DCT: variants seen among roughly 807,000 people sequenced by gnomAD.
DCT encodes dopachrome tautomerase, also known as L-dopachrome tautomerase.
A neutral mutation model predicts 53.0 loss-of-function variants in DCT; 47 were observed. The ratio of observed to expected loss-of-function variants is 0.89; its 90% CI spans 0.70 to 1.13. The LOEUF (loss-of-function observed/expected upper bound fraction) is 1.13. Among genes scored for constraint, DCT ranks in the 50% most tolerant of loss-of-function variants. DCT has a pLI of 0.00. For missense variants in DCT, 669 were observed against 637.4 expected, an observed-to-expected ratio of 1.05 and a Z score of -0.53; for synonymous variants, 244 against 237.0, an observed-to-expected ratio of 1.03 and a Z score of -0.27.
the DCT span, among the ~76,000 whole-genome samples, chr13:94,525,577 G>A: frequency 7.9e-5 from 12 of 152,292 alleles, no homozygotes; most frequent in South Asian, 1.7e-3. Context: ...TAATCACAGC[G>A]AGAGAGGGTG....
At chr13:94,528,163 T>C in the DCT span, among the ~76,000 whole-genome samples, 10 of 152,296 alleles carry the variant, frequency 6.6e-5, no homozygotes, top group East Asian at 1.7e-3. Context: ...CTGCATTTGA[T>C]TGGTGTACCA....
the DCT span, among the ~76,000 whole-genome samples, chr13:94,506,140 TTTG>T: frequency 2.6e-5 from 4 of 152,196 alleles, no homozygotes; most frequent in African/African-American, 9.7e-5. Flanking sequence ...TCACGTATAG[TTTG>T]TTATCTGCCA....
the DCT span, among the ~76,000 whole-genome samples, chr13:94,534,546 T>C: frequency 6.6e-6 from 1 of 152,240 alleles, no homozygotes; most frequent in South Asian, 2.1e-4. Context: ...TGGCCAAGCA[T>C]ACAAGTCAAC....
At chr13:94,478,754 T>C (rs896623196) in intron 1 of DCT, among the ~76,000 whole-genome samples, 1 of 152,280 alleles carries the variant, frequency 6.6e-6, no homozygotes, top group Non-Finnish European at 1.5e-5. Flanking sequence ...GCCATATTTA[T>C]TTAGTCTTCA....
the DCT span, among the ~76,000 whole-genome samples, chr13:94,506,643 A>C: frequency 2.6e-5 from 4 of 152,224 alleles, no homozygotes; most frequent in Non-Finnish European, 5.9e-5. Context: ...ATTCCACAGT[A>C]ATCATTATGG....
At chr13:94,527,725 C>T in the DCT span, among the ~76,000 whole-genome samples, 1 of 152,198 alleles carries the variant, frequency 6.6e-6, no homozygotes, top group South Asian at 2.1e-4. Context: ...CAGAACACCT[C>T]TTCTCCTCCA....
intron 5 of DCT, 132 bp from the exon 6 acceptor site, chr13:94,460,358 T>C (rs754172684): frequency 1.3e-6 from 1 of 773,730 alleles, no homozygotes; most frequent in Middle Eastern, 3.0e-4. Flanking sequence ...TCATAGCAAA[T>C]TGACCAAGAA....
chr13:94,532,270 G>A, the DCT span, among the ~76,000 whole-genome samples: 135 of 152,230 alleles, frequency 8.9e-4, no homozygotes, highest in Non-Finnish European at 1.1e-3. Context: ...ATTTGACCCC[G>A]CCATCCCATT....
intron 6 of DCT, among the ~76,000 whole-genome samples, chr13:94,456,423 A>G (rs892147694): frequency 2.0e-5 from 3 of 152,128 alleles, no homozygotes; most frequent in Non-Finnish European, 4.4e-5. Context: ...TTGAGTAACA[A>G]TAATAAATCA....
chr13:94,456,896 G>A (rs981025218), intron 6 of DCT, among the ~76,000 whole-genome samples: 9 of 152,344 alleles, frequency 5.9e-5, no homozygotes, highest in South Asian at 4.1e-4. Flanking sequence ...TTGAGAGGCC[G>A]AGGCCCGAGG....
At chr13:94,472,092 G>GT (rs1884680339) in intron 1 of DCT, among the ~76,000 whole-genome samples, 1 of 152,078 alleles carries the variant, frequency 6.6e-6, no homozygotes, top group South Asian at 2.1e-4. Context: ...CATAACACTT[G>GT]TTTTTGAATT....
chr13:94,523,524 GTTTC>G, the DCT span, among the ~76,000 whole-genome samples: 1 of 152,236 alleles, frequency 6.6e-6, no homozygotes, highest in Middle Eastern at 3.4e-3. Flanking sequence ...CCTATTAAAT[GTTTC>G]TTTCTAAGAA....
At chr13:94,517,746 A>G in the DCT span, among the ~76,000 whole-genome samples, 1 of 152,228 alleles carries the variant, frequency 6.6e-6, no homozygotes, top group Non-Finnish European at 1.5e-5. Flanking sequence ...ACAGGAAGTC[A>G]ATGTGAAGGC....
chr13:94,450,102 A>C (rs953593208), intron 6 of DCT, among the ~76,000 whole-genome samples: 8 of 152,198 alleles, frequency 5.3e-5, no homozygotes, highest in African/African-American at 1.9e-4. Flanking sequence ...AAAGAGACCC[A>C]GAGAGCTCCT....
At chr13:94,498,017 C>T in the DCT span, among the ~76,000 whole-genome samples, 10 of 152,254 alleles carry the variant, frequency 6.6e-5, no homozygotes, top group Middle Eastern at 3.4e-3. Flanking sequence ...CTTTTGGAGG[C>T]CTAAGTAAGA....
the DCT span, among the ~76,000 whole-genome samples, chr13:94,514,154 C>A: frequency 6.6e-6 from 1 of 152,142 alleles, no homozygotes; most frequent in African/African-American, 2.4e-5. Flanking sequence ...ACACTTAGCT[C>A]TAAGACCTAG....
the DCT span, among the ~76,000 whole-genome samples, chr13:94,542,467 A>C: frequency 7.9e-5 from 12 of 152,184 alleles, no homozygotes; most frequent in Non-Finnish European, 1.3e-4. Context: ...CTGGGATTAC[A>C]GGTGTAAGGG....
In DCT at chr13:94,443,812, T is replaced by C. The variant is rs1882528163; in HGVS notation, c.1180-175A>G. Among the ~76,000 whole-genome samples, 4 of 152,148 alleles carry C rather than the reference T, an allele frequency of 2.6e-5. No homozygotes were observed. The South Asian group carries it at 6.2e-4, about 24-fold the overall frequency. ...CCATGAGGAAGCCCAAATCAACTCA[T>C]ATAGAGTGACTATGATGGCGAGGAT... On this transcript the variant is annotated intron_variant, in intron 6 of 7. Transcript: ENST00000377028.
the DCT span, among the ~76,000 whole-genome samples, chr13:94,488,721 T>TACAC: frequency 1.3e-5 from 1 of 74,610 alleles, no homozygotes; most frequent in South Asian, 4.5e-4. Context: ...TTGTCTAATA[T>TACAC]ATACACACAC....
Sources: gnomAD v4.1 joint callset for allele counts (sites outside exome capture counted in the v4.1 genomes callset) on GRCh38, gnomAD v4.1.1 for gene constraint, MANE v1.5 for transcripts, NCBI Gene and HGNC (gene_info 2026-07-23, HGNC 2026-07-21) for gene names.